Variants in IQSEC1 observed in about 807,000 individuals in gnomAD.
The protein encoded by IQSEC1 is IQ motif and Sec7 domain ArfGEF 1.
IQSEC1 carries 31 observed loss-of-function variants against 91.0 expected under a neutral mutation model. That is an observed-to-expected ratio of 0.34 (90% CI 0.26 to 0.46). The LOEUF (loss-of-function observed/expected upper bound fraction) is 0.46. Ranked by LOEUF, IQSEC1 falls within the 20% of genes least tolerant of loss-of-function variation. IQSEC1 has a pLI of 1.00. For missense variants in IQSEC1, 1,388 were observed against 1,575.6 expected (o/e 0.88, Z 2.02); for synonymous variants, 699 against 662.6 (o/e 1.05, Z -0.84).
chr3:13,166,451 A>AC (rs1316099380), intron 1 of IQSEC1, among the ~76,000 whole-genome samples: 1 of 152,164 alleles, frequency 6.6e-6, no homozygotes. Context: ...ACGCCAGGGG[A>AC]CAAGCACTGA....
intron 1 of IQSEC1, among the ~76,000 whole-genome samples, chr3:12,957,279 C>T (rs752855802): frequency 6.6e-5 from 10 of 152,194 alleles, no homozygotes; most frequent in Non-Finnish European, 1.5e-4. Context: ...TGTTCCTTTA[C>T]TTTCTTCATT....
intron 1 of IQSEC1, among the ~76,000 whole-genome samples, chr3:13,038,137 T>C (rs1278978959): frequency 1.3e-5 from 2 of 150,136 alleles, no homozygotes; most frequent in African/African-American, 4.9e-5. Context: ...TGGCAACAGA[T>C]GAATGGATAA....
chr3:12,960,999 T>C (rs2125481085), intron 1 of IQSEC1, among the ~76,000 whole-genome samples: 1 of 152,326 alleles, frequency 6.6e-6, no homozygotes, highest in African/African-American at 2.4e-5. Flanking sequence ...GGATCCAAGT[T>C]TCTCCAGCTC....
At chr3:13,247,441 C>A (rs1013209311) in intron 1 of IQSEC1, among the ~76,000 whole-genome samples, 7 of 152,312 alleles carry the variant, frequency 4.6e-5, no homozygotes, top group Non-Finnish European at 1.0e-4. Flanking sequence ...CTGCTGTGGC[C>A]TCACCTCCCT....
At chr3:12,921,865 A>G (rs956839392) in intron 5 of IQSEC1, among the ~76,000 whole-genome samples, 18 of 152,202 alleles carry the variant, frequency 1.2e-4, no homozygotes, top group Non-Finnish European at 2.2e-4. Context: ...TTTCAACTTC[A>G]GTTTCCTCAT....
intron 1 of IQSEC1, among the ~76,000 whole-genome samples, chr3:13,238,190 G>A (rs1056342809): frequency 7.9e-5 from 12 of 152,184 alleles, no homozygotes; most frequent in African/African-American, 2.2e-4. Context: ...ATCAGCCCAC[G>A]GCGGTCACCG....
intron 2 of IQSEC1, among the ~76,000 whole-genome samples, chr3:13,088,544 C>T (rs1223459469): frequency 6.6e-6 from 1 of 151,988 alleles, no homozygotes; most frequent in Non-Finnish European, 1.5e-5. Context: ...GCCTTAGTAC[C>T]CTCCCTACCC....
chr3:12,955,997 C>T (rs1354723395), intron 1 of IQSEC1, among the ~76,000 whole-genome samples: 2 of 152,254 alleles, frequency 1.3e-5, no homozygotes, highest in East Asian at 1.9e-4. Context: ...GAATCACTAA[C>T]ATTTCAGCAA....
intron 1 of IQSEC1, among the ~76,000 whole-genome samples, chr3:13,023,897 G>A (rs957790038): frequency 3.9e-5 from 6 of 152,176 alleles, no homozygotes; most frequent in African/African-American, 1.2e-4. Context: ...CAGCGGGAGT[G>A]GCTGCCCAGC....
chr3:13,117,151 T>C (rs1240463953), intron 2 of IQSEC1, among the ~76,000 whole-genome samples: 1 of 150,178 alleles, frequency 6.7e-6, no homozygotes, highest in Admixed American at 6.7e-5. Flanking sequence ...GATAAGCAAC[T>C]CGATTAAATC....
At chr3:13,276,734 C>A (rs1389061472) in intron 1 of IQSEC1, among the ~76,000 whole-genome samples, 3 of 152,224 alleles carry the variant, frequency 2.0e-5, no homozygotes, top group Non-Finnish European at 4.4e-5. Context: ...CCGATGAAAA[C>A]AGAAGCACCC....
upstream of IQSEC1, among the ~76,000 whole-genome samples, chr3:13,075,429 G>A (rs1415554259): frequency 6.6e-6 from 1 of 152,200 alleles, no homozygotes; most frequent in Admixed American, 6.5e-5. Context: ...CTCAACTAGC[G>A]ATTCTCTTCT....
intron 6 of IQSEC1, 38 bp from the exon 7 acceptor site, chr3:12,915,771 C>T (rs759182111): frequency 6.2e-7 from 1 of 1,603,274 alleles, no homozygotes; most frequent in Non-Finnish European, 8.5e-7. Flanking sequence ...GGGTGGGCCC[C>T]AGGCTCACTC....
At chr3:13,174,570 C>T (rs1693687942) in intron 1 of IQSEC1, among the ~76,000 whole-genome samples, 1 of 152,150 alleles carries the variant, frequency 6.6e-6, no homozygotes, top group African/African-American at 2.4e-5. Flanking sequence ...TGTCAGCCCC[C>T]AGAAGGCCTG....
intron 1 of IQSEC1, among the ~76,000 whole-genome samples, chr3:13,046,399 G>A (rs1198197887): frequency 6.6e-6 from 1 of 152,202 alleles, no homozygotes; most frequent in Non-Finnish European, 1.5e-5. Flanking sequence ...AGCTGGCTCA[G>A]GGAAGCAGGG....
intron 2 of IQSEC1, among the ~76,000 whole-genome samples, chr3:13,157,762 C>T (rs1280984371): frequency 2.6e-5 from 4 of 152,086 alleles, no homozygotes; most frequent in Non-Finnish European, 4.4e-5. Context: ...TCTGAGCAGC[C>T]GCGTCTCCAC....
At chr3:13,243,677 G>A (rs1048467059) in intron 1 of IQSEC1, among the ~76,000 whole-genome samples, 1 of 151,686 alleles carries the variant, frequency 6.6e-6, no homozygotes, top group Admixed American at 6.5e-5. Context: ...ACCAGCAGGA[G>A]CCAATGCGCT....
chr3:12,918,520 GA>G (rs199799305), intron 6 of IQSEC1, among the ~76,000 whole-genome samples: 16 of 149,660 alleles, frequency 1.1e-4, no homozygotes, highest in African/African-American at 2.2e-4. Context: ...TCTAAAGTAA[GA>G]AAAAAAAAAC....
In IQSEC1 at chr3:12,967,292, C is replaced by T; in HGVS notation, c.24-25427G>A. The stretch of plus-strand genomic sequence containing the variant: ...TCGCACGCCGGGCGCCCGGTCCCGA[C>T]GGTCACCCGCACTCCCGCACAGGCA... On this transcript the variant is annotated intron_variant, in intron 1 of 13. Coordinates refer to ENST00000613206, the MANE Select transcript of IQSEC1 (RefSeq NM_001134382.3). The surrounding 1 kb of genome is among the most constrained non-coding windows in gnomAD (Gnocchi z 5.9). 1.8e-6 allele frequency: 2 copies of T among 1,109,524 alleles called. No individual in the cohort carries two copies. The highest frequency in any genetic ancestry group is 2.5e-6 in the Non-Finnish European group (2 of 803,824). The allele number at this position is 1,109,524 out of a possible 1,614,324, so 68.7% of individuals were successfully genotyped here. A position where few individuals can be genotyped will look rare whatever the true frequency, so the allele number is the denominator to read the frequency against.
Sources: allele counts gnomAD v4.1 joint callset (sites outside exome capture counted in the v4.1 genomes callset), GRCh38; gene constraint gnomAD v4.1.1; non-coding constraint Gnocchi (gnomAD v3.1); transcripts MANE v1.5; gene names NCBI Gene and HGNC (gene_info 2026-07-23, HGNC 2026-07-21).